ASCC1: variants seen among roughly 807,000 people sequenced by gnomAD.
ASCC1 encodes the protein activating signal cointegrator 1 complex subunit 1.
ASCC1 carries 35 observed loss-of-function variants against 46.6 expected under a neutral mutation model. The observed-to-expected ratio is 0.75, with a 90% CI of 0.57 to 0.99. The LOEUF (loss-of-function observed/expected upper bound fraction) is 0.99, where lower values mean the gene tolerates loss of function less well. ASCC1 is among the 50% of genes least tolerant of loss of function. The pLI is 0.00. For synonymous variants in ASCC1, 143 were observed against 146.6 expected (o/e 0.98, Z 0.18); for missense variants, 376 against 428.7 (o/e 0.88, Z 1.09).
At chr10:72,134,208 A>C (rs999483068) in intron 7 of ASCC1, 2 of 152,264 alleles carry the variant, frequency 1.3e-5, no homozygotes, top group South Asian at 4.1e-4. Flanking sequence ...AAGAGGGAAG[A>C]TCACTTGAGG....
intron 7 of ASCC1, among the ~76,000 whole-genome samples, chr10:72,138,696 C>T (rs546827634): frequency 9.3e-5 from 14 of 150,688 alleles, no homozygotes; most frequent in South Asian, 8.4e-4. Context: ...CTCCATCTCC[C>T]GAGTAGCTGG....
chr10:72,146,775 G>A (rs562170380), intron 7 of ASCC1, among the ~76,000 whole-genome samples: 2 of 152,210 alleles, frequency 1.3e-5, no homozygotes, highest in South Asian at 2.1e-4. Flanking sequence ...AAGTGGTTAC[G>A]TCCTTTTAAA....
intron 2 of ASCC1, chr10:72,212,097 T>C (rs967721384): frequency 3.9e-5 from 6 of 152,980 alleles, no homozygotes; most frequent in African/African-American, 1.5e-4. Context: ...GGCAGGAGAA[T>C]TGCTTGAACC....
At chr10:72,178,001 C>T (rs1052183851) in intron 5 of ASCC1, among the ~76,000 whole-genome samples, 7 of 152,104 alleles carry the variant, frequency 4.6e-5, no homozygotes, top group Non-Finnish European at 7.4e-5. Flanking sequence ...AAGGTGACTT[C>T]AGGGAATGCT....
intron 4 of ASCC1, among the ~76,000 whole-genome samples, chr10:72,199,021 T>C (rs1159569334): frequency 6.6e-6 from 1 of 152,118 alleles, no homozygotes; most frequent in Non-Finnish European, 1.5e-5. Context: ...TTCATCATGT[T>C]GGCCAGGCTG....
chr10:72,132,058 G>A (rs1589275649), intron 8 of ASCC1, among the ~76,000 whole-genome samples: 1 of 151,890 alleles, frequency 6.6e-6, no homozygotes, highest in Admixed American at 6.6e-5. Context: ...TAGTAGAGAC[G>A]GGGTTTCACC....
intron 2 of ASCC1, 77 bp downstream of exon 2, chr10:72,213,110 T>C (rs1858413395): frequency 9.5e-7 from 1 of 1,054,784 alleles, no homozygotes; most frequent in Non-Finnish European, 1.5e-6. Context: ...AGAAACACAT[T>C]AAAACAAACA....
intron 6 of ASCC1, among the ~76,000 whole-genome samples, chr10:72,157,432 T>C (rs371888659): frequency 6.6e-5 from 10 of 152,168 alleles, no homozygotes; most frequent in East Asian, 1.9e-4. Flanking sequence ...CACCACACCA[T>C]TGGCTTAGAT....
chr10:72,185,114 G>T (rs1853263533), intron 5 of ASCC1, among the ~76,000 whole-genome samples: 1 of 152,160 alleles, frequency 6.6e-6, no homozygotes, highest in Non-Finnish European at 1.5e-5. Context: ...ATTAAAATAA[G>T]ATAGACACCA....
At chr10:72,098,699 A>G (rs1841380089) in intron 9 of ASCC1, among the ~76,000 whole-genome samples, 2 of 152,238 alleles carry the variant, frequency 1.3e-5, no homozygotes, top group Non-Finnish European at 2.9e-5. Context: ...AGGGTTCATT[A>G]AAGGCTAACT....
chr10:72,193,533 G>A (rs749882685), intron 5 of ASCC1, among the ~76,000 whole-genome samples: 8 of 151,984 alleles, frequency 5.3e-5, no homozygotes, highest in East Asian at 1.9e-4. Flanking sequence ...ATTGCCAGGG[G>A]TTGTGGGTGA....
At chr10:72,178,425 CAG>C (rs769931480) in intron 5 of ASCC1, among the ~76,000 whole-genome samples, 71 of 152,266 alleles carry the variant, frequency 4.7e-4, no homozygotes, top group Non-Finnish European at 1.2e-4. Context: ...GTTTAAAAAG[CAG>C]AGTCTTTGGC....
upstream of ASCC1, chr10:72,216,810 C>T (rs911705527): frequency 2.6e-5 from 12 of 456,058 alleles, no homozygotes; most frequent in Non-Finnish European, 4.8e-5. Context: ...CCACTGTCAG[C>T]CCCAACTTAC....
At chr10:72,165,094 C>A (rs554243552) in intron 5 of ASCC1, among the ~76,000 whole-genome samples, 26 of 150,724 alleles carry the variant, frequency 1.7e-4, no homozygotes, top group Non-Finnish European at 3.0e-4. Context: ...CAAATGAAAA[C>A]AAGAAAAAAA....
chr10:72,204,496 G>A, intron 3 of ASCC1: 1 of 1,548,836 alleles, frequency 6.5e-7, no homozygotes, highest in Non-Finnish European at 8.7e-7. Flanking sequence ...ATGTGTTCAA[G>A]TGAATGAGAC....
intron 9 of ASCC1, among the ~76,000 whole-genome samples, chr10:72,101,482 G>A (rs952807854): frequency 6.6e-6 from 1 of 152,248 alleles, no homozygotes; most frequent in South Asian, 2.1e-4. Flanking sequence ...GTAACACAGA[G>A]GAGGGAGGGC....
intron 5 of ASCC1, among the ~76,000 whole-genome samples, chr10:72,184,737 G>C (rs577960057): frequency 6.6e-6 from 1 of 151,060 alleles, no homozygotes; most frequent in Non-Finnish European, 1.5e-5. Context: ...AGAGGTTGCA[G>C]TGAGCCAAGA....
intron 9 of ASCC1, among the ~76,000 whole-genome samples, chr10:72,105,975 G>A (rs79033584): frequency 0.028 from 4,207 of 152,168 alleles, 86 homozygotes; most frequent in East Asian, 0.1. Context: ...TCGGGCTATA[G>A]AACCGAATAA....
At chr10:72,161,245 C>T (rs1189913639) in intron 6 of ASCC1, among the ~76,000 whole-genome samples, 1 of 150,972 alleles carries the variant, frequency 6.6e-6, no homozygotes, top group Non-Finnish European at 1.5e-5. Context: ...CCTAGAGAAT[C>T]GTGTTATAAT....
Sources: allele counts gnomAD v4.1 joint callset (sites outside exome capture counted in the v4.1 genomes callset), GRCh38; gene constraint gnomAD v4.1.1; transcripts MANE v1.5; gene names NCBI Gene and HGNC (gene_info 2026-07-23, HGNC 2026-07-21).